Variants in BBS9 observed in about 807,000 individuals in gnomAD.
BBS9 encodes Bardet-Biedl syndrome 9, also known as protein PTHB1.
A neutral mutation model predicts 117.7 loss-of-function variants in BBS9; 89 were observed. The ratio of observed to expected loss-of-function variants is 0.76; its 90% CI spans 0.64 to 0.90. BBS9 has a LOEUF of 0.90. Ranked by LOEUF, BBS9 falls within the 40% of genes least tolerant of loss-of-function variation. The probability of loss-of-function intolerance (pLI) is 0.00; values close to 1 mark genes in which losing one functional copy is unlikely to be tolerated. For missense variants in BBS9, 982 were observed against 1,042.2 expected (o/e 0.94, Z 0.80); for synonymous variants, 379 against 370.9 (o/e 1.02, Z -0.25).
At chr7:33,306,274 A>G (rs1378865702) in intron 9 of BBS9, among the ~76,000 whole-genome samples, 1 of 151,614 alleles carries the variant, frequency 6.6e-6, no homozygotes, top group Non-Finnish European at 1.5e-5. Context: ...TATTATTTCA[A>G]TTTTTTGAAT....
intron 19 of BBS9, among the ~76,000 whole-genome samples, chr7:33,427,150 C>T (rs1833778717): frequency 6.6e-6 from 1 of 152,160 alleles, no homozygotes; most frequent in Admixed American, 6.5e-5. Context: ...AATCTGGGCT[C>T]AGGGAACTGG....
At chr7:33,449,489 G>A (rs1837470213) in intron 19 of BBS9, among the ~76,000 whole-genome samples, 1 of 152,180 alleles carries the variant, frequency 6.6e-6, no homozygotes, top group Non-Finnish European at 1.5e-5. Flanking sequence ...GAGCCCTGGA[G>A]AGGCTTGGGG....
intron 10 of BBS9, among the ~76,000 whole-genome samples, chr7:33,338,653 A>G (rs950113232): frequency 6.6e-6 from 1 of 152,192 alleles, no homozygotes; most frequent in Non-Finnish European, 1.5e-5. Context: ...TGTGTAAGTT[A>G]TAAGAGGAAT....
At chr7:33,390,379 G>A in intron 19 of BBS9, 1 of 985,344 alleles carries the variant, frequency 1.0e-6, no homozygotes, top group Non-Finnish European at 1.2e-6. Context: ...CCTCAAGGTT[G>A]AGGTTTTCCA....
intron 17 of BBS9, 101 bp from the exon 18 acceptor site, chr7:33,383,564 TG>T: frequency 1.9e-6 from 2 of 1,053,794 alleles, no homozygotes; most frequent in Non-Finnish European, 2.8e-6. Context: ...GTTACAAAAA[TG>T]AAATCTTTGA....
rs1292611620 is a variant in BBS9, at chr7:33,383,691, A to G, written c.1815A>G (p.Gln605=). 6.2e-7 allele frequency: 1 copy of G among 1,609,470 alleles called. No homozygotes were observed. The highest frequency in any genetic ancestry group is 1.3e-5 in the African/African-American group (1 of 74,892). ...AACGATATCGCATTCAGAGTGAACA[A>G]TTTGAAGATCTTTGGCTCATAACCA... The part of the protein sequence containing the change: ...TSQRYRIQSE[Q]FEDLWLITNE... Residue 605 remains glutamine (Q), a synonymous_variant, in exon 18 of 23, where the codon CAA becomes CAG. Transcript: ENST00000242067.
chr7:33,520,205 G>A (rs953142619), intron 20 of BBS9, among the ~76,000 whole-genome samples: 1 of 152,022 alleles, frequency 6.6e-6, no homozygotes, highest in Non-Finnish European at 1.5e-5. Context: ...TACAAAACGA[G>A]GGTTCACCGT....
chr7:33,545,764 A>G (rs1294512671), intron 21 of BBS9, among the ~76,000 whole-genome samples: 3 of 152,128 alleles, frequency 2.0e-5, no homozygotes, highest in Admixed American at 6.6e-5. Context: ...TGAAATAGAT[A>G]TAAATCCAAC....
intron 9 of BBS9, among the ~76,000 whole-genome samples, chr7:33,333,813 C>T (rs1226054290): frequency 6.6e-6 from 1 of 152,068 alleles, no homozygotes; most frequent in African/African-American, 2.4e-5. Flanking sequence ...GATTTCACCA[C>T]ATTGGCCAGG....
chr7:33,182,352 C>T (rs1798212235), intron 5 of BBS9, among the ~76,000 whole-genome samples: 1 of 152,048 alleles, frequency 6.6e-6, no homozygotes, highest in Admixed American at 6.5e-5. Flanking sequence ...CCTAGGGCAC[C>T]AGACAGAAGT....
intron 17 of BBS9, chr7:33,380,362 C>T (rs78662204): frequency 2.0e-3 from 318 of 157,556 alleles, no homozygotes; most frequent in Admixed American, 5.1e-3. Context: ...GCCTTGTGCC[C>T]CACTGTGAGA....
intron 5 of BBS9, among the ~76,000 whole-genome samples, chr7:33,231,874 A>G (rs887389765): frequency 6.6e-5 from 10 of 152,046 alleles, no homozygotes; most frequent in Admixed American, 1.3e-4. Context: ...AGGATGTCCT[A>G]TATGCCATTA....
chr7:33,493,182 A>G (rs572106013), intron 19 of BBS9, among the ~76,000 whole-genome samples: 2 of 152,180 alleles, frequency 1.3e-5, no homozygotes, highest in Admixed American at 1.3e-4. Flanking sequence ...TTTAGTAGAG[A>G]CAGGGTTTTG....
rs534874229 is a variant in BBS9, at chr7:33,517,760, T to C, written c.2298+12115T>C. 4.6e-5 allele frequency among the ~76,000 whole-genome samples: 7 copies of C among 152,240 alleles called. No individual in the cohort carries two copies. In the South Asian group the frequency reaches 1.2e-3, roughly 27 times the overall value. ...ACAGAGGCAAGATTTGAACCCACAC[T>C]AAGGGGCCTAACAAAAATGAACAGT... On this transcript the variant is annotated intron_variant, in intron 20 of 22. Transcript: ENST00000242067.
chr7:33,580,524 G>C (rs550635504), intron 21 of BBS9, among the ~76,000 whole-genome samples: 72 of 152,054 alleles, frequency 4.7e-4, no homozygotes, highest in Non-Finnish European at 8.2e-4. Context: ...GGCTTATGTT[G>C]CCAAGAAAAG....
At chr7:33,437,570 G>A (rs960946113) in intron 19 of BBS9, among the ~76,000 whole-genome samples, 3 of 152,218 alleles carry the variant, frequency 2.0e-5, no homozygotes, top group African/African-American at 7.2e-5. Flanking sequence ...CTGTGTATAT[G>A]TCCAGCATAT....
intron 9 of BBS9, among the ~76,000 whole-genome samples, chr7:33,280,332 T>A (rs1221880069): frequency 6.6e-6 from 1 of 152,116 alleles, no homozygotes; most frequent in Non-Finnish European, 1.5e-5. Flanking sequence ...ACTCCCTCCC[T>A]CCCCACTCTT....
intron 4 of BBS9, among the ~76,000 whole-genome samples, chr7:33,162,808 G>GAATACCCTT (rs1248182498): frequency 2.6e-5 from 4 of 151,990 alleles, no homozygotes; most frequent in Non-Finnish European, 4.4e-5. Context: ...TTTCCTAATT[G>GAATACCCTT]AATACCCTTT....
At chr7:33,344,000 C>T (rs1817063684) in intron 11 of BBS9, among the ~76,000 whole-genome samples, 1 of 150,590 alleles carries the variant, frequency 6.6e-6, no homozygotes, top group African/African-American at 2.4e-5. Flanking sequence ...AGAATTAATA[C>T]TTTCAATATT....
Sources: gnomAD v4.1 joint callset for allele counts (sites outside exome capture counted in the v4.1 genomes callset) on GRCh38, gnomAD v4.1.1 for gene constraint, MANE v1.5 for transcripts, NCBI Gene and HGNC (gene_info 2026-07-23, HGNC 2026-07-21) for gene names.